RAPGEF4: variants seen among roughly 807,000 people sequenced by gnomAD.
RAPGEF4 encodes the protein Rap guanine nucleotide exchange factor 4, also known as RAP guanine-nucleotide-exchange factor (GEF) 4.
Under a neutral mutation model 147.9 loss-of-function variants are expected in RAPGEF4, and 66 were observed. The observed-to-expected ratio is 0.45, with a 90% CI of 0.37 to 0.55. The LOEUF is 0.55. Ranked by LOEUF, RAPGEF4 falls within the 20% of genes least tolerant of loss-of-function variation. The pLI is 0.00. For synonymous variants in RAPGEF4, 419 were observed against 442.7 expected (o/e 0.95, Z 0.67); for missense variants, 1,071 against 1,257.3 (o/e 0.85, Z 2.24).
chr2:172,985,564 G>T (rs2105690112), intron 12 of RAPGEF4, 71 bp downstream of exon 12: 1 of 1,575,868 alleles, frequency 6.3e-7, no homozygotes, highest in Admixed American at 2.0e-5. Flanking sequence ...CGGGAAGCCA[G>T]GCTGCTAACG....
At chr2:172,915,164 A>T (rs1575222330) in intron 4 of RAPGEF4, among the ~76,000 whole-genome samples, 1 of 152,338 alleles carries the variant, frequency 6.6e-6, no homozygotes, top group South Asian at 2.1e-4. Flanking sequence ...TTTCAACCCT[A>T]ATTTGGTAAT....
chr2:172,836,284 A>G (rs1307686211), intron 4 of RAPGEF4, among the ~76,000 whole-genome samples: 1 of 152,116 alleles, frequency 6.6e-6, no homozygotes, highest in Non-Finnish European at 1.5e-5. Context: ...CTGCCTCCAC[A>G]TGTCTATGGC....
chr2:172,927,074 A>C (rs923292919), intron 6 of RAPGEF4, among the ~76,000 whole-genome samples: 1 of 152,194 alleles, frequency 6.6e-6, no homozygotes, highest in African/African-American at 2.4e-5. Context: ...GTCTCATCTT[A>C]AGGAGATTAC....
At chr2:172,737,817 A>G (rs554273245) in intron 1 of RAPGEF4, among the ~76,000 whole-genome samples, 2 of 149,604 alleles carry the variant, frequency 1.3e-5, no homozygotes, top group Admixed American at 1.3e-4. Flanking sequence ...ACCAGTTCTG[A>G]TATTGGACAT....
rs190930884 is a variant in RAPGEF4, at chr2:172,792,073, A to G, written c.66-2952A>G. On this transcript the variant is annotated intron_variant, in intron 1 of 30. Transcript: ENST00000397081. ...CTCCCACGGTCACTTGCATGCTGCCATTGCTTTGGGCCTGTGGCTGCTACC... is the reference window on the plus strand; with the variant it reads ...CTCCCACGGTCACTTGCATGCTGCCGTTGCTTTGGGCCTGTGGCTGCTACC... Among the ~76,000 whole-genome samples, 18 of 152,266 alleles carry G rather than the reference A, an allele frequency of 1.2e-4. No homozygotes were observed. The East Asian group carries it at 3.1e-3, about 26-fold the overall frequency.
At chr2:172,802,682 A>G (rs1270311923) in intron 3 of RAPGEF4, among the ~76,000 whole-genome samples, 1 of 152,234 alleles carries the variant, frequency 6.6e-6, no homozygotes, top group Non-Finnish European at 1.5e-5. Flanking sequence ...CAAAGTCTTA[A>G]TTCATTTCAG....
chr2:172,830,768 T>A (rs991567601), intron 4 of RAPGEF4, among the ~76,000 whole-genome samples: 4 of 152,230 alleles, frequency 2.6e-5, no homozygotes, highest in Admixed American at 2.0e-4. Context: ...CACACCTGGT[T>A]AATTTGTTGT....
chr2:172,936,882 T>C (rs1435819409), intron 6 of RAPGEF4, among the ~76,000 whole-genome samples: 1 of 151,812 alleles, frequency 6.6e-6, no homozygotes, highest in Non-Finnish European at 1.5e-5. Context: ...TGAACAAATA[T>C]TGATTCATTA....
chr2:172,895,741 A>G (rs1439492950), intron 4 of RAPGEF4, among the ~76,000 whole-genome samples: 1 of 152,194 alleles, frequency 6.6e-6, no homozygotes, highest in Non-Finnish European at 1.5e-5. Context: ...TATATGGGGA[A>G]AAAGGAATTG....
intron 4 of RAPGEF4, among the ~76,000 whole-genome samples, chr2:172,903,830 G>A (rs1219004422): frequency 6.6e-6 from 1 of 152,164 alleles, no homozygotes; most frequent in African/African-American, 2.4e-5. Context: ...TGCCCCAATG[G>A]CTTCACATGT....
rs1478034581 is a variant in RAPGEF4 at position 172,922,271 on chromosome 2, C to G, written c.518-10C>G. ...TCATGGCCTCTCTCTGTCTCTTTTTCCTCCTTTAGGGATTCCTGACAAGGA... is the reference window on the plus strand; with the variant it reads ...TCATGGCCTCTCTCTGTCTCTTTTTGCTCCTTTAGGGATTCCTGACAAGGA... On this transcript the variant is annotated splice_polypyrimidine_tract_variant and intron_variant, in intron 5 of 30. Coordinates refer to ENST00000397081, the MANE Select transcript of RAPGEF4 (RefSeq NM_007023.4). 6.2e-7 allele frequency: 1 copy of G among 1,607,532 alleles called. No individual in the cohort carries two copies. Among genetic ancestry groups the G allele is most frequent in the African/African-American group, 1.3e-5 (1 of 74,788 alleles).
intron 6 of RAPGEF4, among the ~76,000 whole-genome samples, chr2:172,923,352 T>C (rs1684958203): frequency 6.6e-6 from 1 of 152,272 alleles, no homozygotes; most frequent in East Asian, 1.9e-4. Flanking sequence ...CACTGCAACC[T>C]CTGCCTCCCG....
chr2:172,909,120 CAG>C (rs1699878230), intron 4 of RAPGEF4, among the ~76,000 whole-genome samples: 7 of 152,096 alleles, frequency 4.6e-5, no homozygotes, highest in Admixed American at 3.9e-4. Flanking sequence ...GCCTCAGAGA[CAG>C]AACTCAATCC....
intron 8 of RAPGEF4, among the ~76,000 whole-genome samples, chr2:172,962,133 A>G (rs1447744013): frequency 6.6e-6 from 1 of 152,222 alleles, no homozygotes; most frequent in African/African-American, 2.4e-5. Flanking sequence ...CTTTTGATCA[A>G]TTCAGCAAGT....
chr2:172,988,077 T>C (rs1040214567), intron 12 of RAPGEF4, 119 bp from the exon 13 acceptor site: 1 of 1,362,854 alleles, frequency 7.3e-7, no homozygotes, highest in African/African-American at 1.5e-5. Context: ...GCCAGTGATG[T>C]TTCTCGAATT....
At chr2:172,918,166 T>C in intron 5 of RAPGEF4, 3 of 537,082 alleles carry the variant, frequency 5.6e-6, no homozygotes, top group African/African-American at 1.9e-5. Context: ...TCCAGTGTTC[T>C]TTCTGTGCCC....
chr2:172,749,769 G>A (rs777292213), intron 1 of RAPGEF4, among the ~76,000 whole-genome samples: 6 of 152,122 alleles, frequency 3.9e-5, no homozygotes, highest in African/African-American at 4.8e-5. Context: ...TGAATTTCCC[G>A]AACTTTTATG....
chr2:172,819,937 A>C (rs547195934), intron 4 of RAPGEF4, among the ~76,000 whole-genome samples: 3 of 152,268 alleles, frequency 2.0e-5, no homozygotes, highest in South Asian at 4.2e-4. Context: ...TTTATGATTG[A>C]TAGTAGCTCT....
intron 4 of RAPGEF4, among the ~76,000 whole-genome samples, chr2:172,876,567 G>A (rs888221724): frequency 1.3e-5 from 2 of 152,152 alleles, no homozygotes; most frequent in African/African-American, 2.4e-5. Flanking sequence ...ATTTGCATGT[G>A]TTGAACCAGC....
Sources: gnomAD v4.1 joint callset for allele counts (sites outside exome capture counted in the v4.1 genomes callset) on GRCh38, gnomAD v4.1.1 for gene constraint, MANE v1.5 for transcripts, NCBI Gene and HGNC (gene_info 2026-07-23, HGNC 2026-07-21) for gene names.